Variants in ATRNL1 observed in about 807,000 individuals in gnomAD.
ATRNL1 encodes the protein attractin-like protein 1.
Under a neutral mutation model 182.7 loss-of-function variants are expected in ATRNL1, and 95 were observed. The observed-to-expected ratio is 0.52, with a 90% CI of 0.44 to 0.62. ATRNL1 has a LOEUF of 0.62. Ranked by LOEUF, ATRNL1 falls within the 20% of genes least tolerant of loss-of-function variation. The probability of loss-of-function intolerance (pLI) is 0.00; values close to 1 mark genes in which losing one functional copy is unlikely to be tolerated. For missense variants in ATRNL1, 1,471 were observed against 1,679.5 expected (o/e 0.88, Z 2.17); for synonymous variants, 576 against 568.3 (o/e 1.01, Z -0.19).
At chr10:115,455,075 T>C (rs1332566207) in intron 21 of ATRNL1, among the ~76,000 whole-genome samples, 1 of 152,162 alleles carries the variant, frequency 6.6e-6, no homozygotes, top group Non-Finnish European at 1.5e-5. Flanking sequence ...CTCCTATACC[T>C]AGTTGTTCAG....
At chr10:115,644,172 T>C (rs568428182) in intron 26 of ATRNL1, among the ~76,000 whole-genome samples, 1 of 152,310 alleles carries the variant, frequency 6.6e-6, no homozygotes, top group East Asian at 1.9e-4. Context: ...TGGATGAATC[T>C]CAAATGCATT....
At chr10:115,497,892 A>G (rs868925424) in intron 24 of ATRNL1, among the ~76,000 whole-genome samples, 99 of 151,864 alleles carry the variant, frequency 6.5e-4, no homozygotes, top group African/African-American at 2.4e-3. Flanking sequence ...TCCTGACCTC[A>G]TGATCCACCC....
intron 26 of ATRNL1, among the ~76,000 whole-genome samples, chr10:115,642,332 A>G (rs76713787): frequency 0.053 from 8,000 of 152,254 alleles, 677 homozygotes; most frequent in African/African-American, 0.18. Flanking sequence ...ATCAAAGAAT[A>G]CCGAACTAAT....
intron 8 of ATRNL1, among the ~76,000 whole-genome samples, chr10:115,182,140 A>G (rs1029308011): frequency 3.6e-4 from 55 of 151,572 alleles, no homozygotes; most frequent in African/African-American, 1.3e-3. Context: ...GCTATATTTA[A>G]ATTCTTTTTG....
At chr10:115,763,844 GAAATATTGAAT>G (rs1948792381) in intron 27 of ATRNL1, among the ~76,000 whole-genome samples, 1 of 152,106 alleles carries the variant, frequency 6.6e-6, no homozygotes, top group South Asian at 2.1e-4. Context: ...ACTTTTAGAA[GAAATATTGAAT>G]TGTTTTAGTA....
intron 28 of ATRNL1, among the ~76,000 whole-genome samples, chr10:115,862,332 C>T (rs117411607): frequency 1.3e-5 from 2 of 152,240 alleles, no homozygotes; most frequent in Non-Finnish European, 2.9e-5. Context: ...TTAGTCCTCG[C>T]TTTATTGCTT....
intron 17 of ATRNL1, among the ~76,000 whole-genome samples, chr10:115,311,561 G>A (rs531881376): frequency 0.023 from 3,463 of 152,272 alleles, 47 homozygotes; most frequent in South Asian, 0.036. Flanking sequence ...AATATTCCAT[G>A]TGCTGATGAG....
chr10:115,492,519 T>C (rs1554976809), intron 24 of ATRNL1, among the ~76,000 whole-genome samples: 1 of 150,288 alleles, frequency 6.7e-6, no homozygotes, highest in African/African-American at 2.4e-5. Context: ...TTATCATTTC[T>C]AGAGCTTTAT....
intron 27 of ATRNL1, among the ~76,000 whole-genome samples, chr10:115,749,128 C>A (rs1948375225): frequency 2.0e-5 from 3 of 151,792 alleles, no homozygotes. Context: ...GCCAAACAAA[C>A]TAGAATAGAA....
At position 115,732,575 on chromosome 10, in the gene ATRNL1, T is replaced by C. The variant is rs562806762; in HGVS notation, c.3903+5220T>C. ...TCATTTGAGTCTTAAGTCAATCCTA[T>C]AAAATAAGCAGAACATATTTCATCT... On this transcript the variant is annotated intron_variant, in intron 27 of 28. Coordinates refer to ENST00000355044, the MANE Select transcript of ATRNL1 (RefSeq NM_207303.4). Among the ~76,000 whole-genome samples the C allele has an allele frequency of 3.3e-5, 5 of 152,328 alleles. No individual in the cohort carries two copies. The South Asian group carries it at 1.0e-3, about 32-fold the overall frequency.
chr10:115,690,206 G>C (rs1222243240), intron 26 of ATRNL1, among the ~76,000 whole-genome samples: 1 of 152,002 alleles, frequency 6.6e-6, no homozygotes, highest in Non-Finnish European at 1.5e-5. Context: ...AGTACTCCCT[G>C]TGGATTACAG....
chr10:115,130,580 GA>G (rs1564758942), intron 5 of ATRNL1, among the ~76,000 whole-genome samples: 1 of 151,938 alleles, frequency 6.6e-6, no homozygotes, highest in East Asian at 1.9e-4. Context: ...TTATTAAATC[GA>G]ATTTGGTTAC....
In ATRNL1 at chr10:115,592,172, G is replaced by A. The variant is rs979479607; in HGVS notation, c.3795+42636G>A. On this transcript the variant is annotated intron_variant, in intron 26 of 28. Coordinates refer to ENST00000355044, the MANE Select transcript of ATRNL1 (RefSeq NM_207303.4). ...CGGTAGGTACTGGGGACTACTAGGG[G>A]TGGAGTGAGGGATGGAGAGGCAGGA... Among the ~76,000 whole-genome samples, 16 of 152,274 alleles carry A rather than the reference G, an allele frequency of 1.1e-4. No individual in the cohort carries two copies. In the East Asian group the frequency reaches 2.5e-3, roughly 24 times the overall value.
At chr10:115,574,792 A>T (rs1413847867) in intron 26 of ATRNL1, among the ~76,000 whole-genome samples, 1 of 152,206 alleles carries the variant, frequency 6.6e-6, no homozygotes, top group African/African-American at 2.4e-5. Context: ...GGGTGCTGGC[A>T]CAAGACTTTC....
intron 26 of ATRNL1, among the ~76,000 whole-genome samples, chr10:115,638,873 T>A (rs903152230): frequency 6.6e-6 from 1 of 151,710 alleles, no homozygotes; most frequent in Non-Finnish European, 1.5e-5. Context: ...TAAAATAGAG[T>A]GAAAGATTAT....
At chr10:115,530,224 C>A (rs1188187165) in intron 25 of ATRNL1, among the ~76,000 whole-genome samples, 2 of 152,046 alleles carry the variant, frequency 1.3e-5, no homozygotes, top group Non-Finnish European at 2.9e-5. Flanking sequence ...ATTTTCATTT[C>A]TCTTAAGTAT....
chr10:115,521,138 TTTGTTGTTG>T (rs68061119), intron 25 of ATRNL1, among the ~76,000 whole-genome samples: 44 of 149,072 alleles, frequency 3.0e-4, no homozygotes, highest in African/African-American at 7.5e-4. Context: ...TAAAACAACT[TTTGTTGTTG>T]TTGTTGTTGT....
intron 26 of ATRNL1, among the ~76,000 whole-genome samples, chr10:115,631,157 A>G (rs1172511507): frequency 6.6e-6 from 1 of 151,996 alleles, no homozygotes; most frequent in African/African-American, 2.4e-5. Flanking sequence ...AATGTGCAGC[A>G]TGGGGAGTAT....
intron 19 of ATRNL1, among the ~76,000 whole-genome samples, chr10:115,375,121 C>A (rs1315816598): frequency 6.6e-6 from 1 of 151,390 alleles, no homozygotes; most frequent in Non-Finnish European, 1.5e-5. Context: ...TCTGTCTTTT[C>A]AGATCTATTA....
Sources: allele counts gnomAD v4.1 joint callset (sites outside exome capture counted in the v4.1 genomes callset), GRCh38; gene constraint gnomAD v4.1.1; transcripts MANE v1.5; gene names NCBI Gene and HGNC (gene_info 2026-07-23, HGNC 2026-07-21).